GAS7: variants seen among roughly 807,000 people sequenced by gnomAD.
GAS7 encodes growth arrest-specific protein 7.
In GAS7, 28 loss-of-function variants were observed where a neutral mutation model predicts 71.1. That is an observed-to-expected ratio of 0.39 (90% CI 0.29 to 0.54). GAS7 has a LOEUF of 0.54. Ranked by LOEUF, GAS7 falls within the 20% of genes least tolerant of loss-of-function variation. GAS7 has a pLI of 0.62. For missense variants in GAS7, 436 were observed against 627.8 expected, an observed-to-expected ratio of 0.69 and a Z score of 3.27; for synonymous variants, 258 against 245.8, an observed-to-expected ratio of 1.05 and a Z score of -0.46.
At chr17:10,104,592 A>C (rs1404285451) in intron 1 of GAS7, among the ~76,000 whole-genome samples, 1 of 152,156 alleles carries the variant, frequency 6.6e-6, no homozygotes, top group Non-Finnish European at 1.5e-5. Context: ...GAATCTAACG[A>C]ATCTAATGAC....
At chr17:10,156,529 C>T (rs956227748) in intron 1 of GAS7, among the ~76,000 whole-genome samples, 17 of 152,206 alleles carry the variant, frequency 1.1e-4, no homozygotes, top group African/African-American at 3.9e-4. Context: ...CTCCACTTGC[C>T]TGTCGGGAGC....
intron 8 of GAS7, among the ~76,000 whole-genome samples, chr17:9,938,300 G>T (rs887214036): frequency 6.6e-6 from 1 of 151,408 alleles, no homozygotes; most frequent in Non-Finnish European, 1.5e-5. Flanking sequence ...TGAGTTCAGG[G>T]GTTCTAGACC....
intron 2 of GAS7, among the ~76,000 whole-genome samples, chr17:9,985,461 C>T (rs1024518197): frequency 3.3e-5 from 5 of 152,220 alleles, no homozygotes; most frequent in East Asian, 3.8e-4. Flanking sequence ...CCATACCTGC[C>T]GCCTCCTGCT....
intron 1 of GAS7, among the ~76,000 whole-genome samples, chr17:10,063,772 G>A (rs1307419742): frequency 9.2e-5 from 14 of 152,168 alleles, no homozygotes; most frequent in Admixed American, 6.5e-4. Flanking sequence ...CCTGACCACC[G>A]TCTAGTATGG....
chr17:10,165,199 G>A (rs1016961561), intron 1 of GAS7, among the ~76,000 whole-genome samples: 18 of 150,562 alleles, frequency 1.2e-4, no homozygotes, highest in Non-Finnish European at 8.8e-5. Flanking sequence ...CCCTGAGGCA[G>A]GAGAATGACG....
rs915175613 is a variant in GAS7, at chr17:10,103,637, C to T, written c.184-83740G>A. Among the ~76,000 whole-genome samples the T allele has an allele frequency of 6.6e-6, 1 of 152,046 alleles. No individual in the cohort carries two copies. The highest frequency in any genetic ancestry group is 1.5e-5 in the Non-Finnish European group (1 of 68,012). On this transcript the variant is annotated intron_variant, in intron 1 of 13. Coordinates refer to ENST00000432992, the MANE Select transcript of GAS7 (RefSeq NM_201433.2). The surrounding 1 kb of genome is among the most constrained non-coding windows in gnomAD (Gnocchi z 5.5). ...GGTCAGGAGTTCAAGACCAGCCTGG[C>T]CAACATGGAGAAACCCCGTCTCTAC...
intron 1 of GAS7, among the ~76,000 whole-genome samples, chr17:10,086,321 A>T (rs1342579896): frequency 3.3e-5 from 5 of 152,198 alleles, no homozygotes; most frequent in Non-Finnish European, 5.9e-5. Flanking sequence ...GTCATTAGCT[A>T]ATCAGCCTGG....
At chr17:10,132,761 T>TA (rs57494644) in intron 1 of GAS7, among the ~76,000 whole-genome samples, 1 of 150,498 alleles carries the variant, frequency 6.6e-6, no homozygotes, top group East Asian at 2.0e-4. Flanking sequence ...CTGTCTCAAC[T>TA]AAAAAAAAAA....
chr17:9,985,367 C>T (rs981890911), intron 2 of GAS7, among the ~76,000 whole-genome samples: 1 of 152,218 alleles, frequency 6.6e-6, no homozygotes, highest in African/African-American at 2.4e-5. Context: ...TGACTGCATC[C>T]AGACTGACAT....
intron 1 of GAS7, among the ~76,000 whole-genome samples, chr17:10,048,548 C>T (rs2073014847): frequency 6.6e-6 from 1 of 152,220 alleles, no homozygotes. Flanking sequence ...AGACAAACCC[C>T]ACTGAGTTTA....
At chr17:9,932,168 T>G (rs1342186368) in intron 9 of GAS7, among the ~76,000 whole-genome samples, 2 of 149,732 alleles carry the variant, frequency 1.3e-5, no homozygotes, top group African/African-American at 4.9e-5. Flanking sequence ...GTCACTGGGA[T>G]GGTGCACTCT....
chr17:9,939,222 T>C (rs1422899284), intron 8 of GAS7, among the ~76,000 whole-genome samples: 4 of 152,196 alleles, frequency 2.6e-5, no homozygotes, highest in Non-Finnish European at 5.9e-5. Context: ...ACCAGATTGT[T>C]TTCCACAGCG....
chr17:10,050,044 T>C (rs1440858118), intron 1 of GAS7, among the ~76,000 whole-genome samples: 1 of 152,240 alleles, frequency 6.6e-6, no homozygotes, highest in Non-Finnish European at 1.5e-5. Flanking sequence ...TTATTTCTGT[T>C]TTTCTATATT....
chr17:10,133,163 G>A (rs929463661), intron 1 of GAS7, among the ~76,000 whole-genome samples: 6 of 144,208 alleles, frequency 4.2e-5, no homozygotes, highest in Admixed American at 7.1e-5. Context: ...TCGCTCTGTC[G>A]CCCAGGTTGA....
chr17:9,979,013 C>G (rs1190428987), intron 3 of GAS7, among the ~76,000 whole-genome samples: 1 of 152,188 alleles, frequency 6.6e-6, no homozygotes, highest in Non-Finnish European at 1.5e-5. Context: ...CCCCTCCCCC[C>G]GGTGCTGGCA....
chr17:9,973,646 G>T (rs113648458), intron 3 of GAS7, among the ~76,000 whole-genome samples: 2 of 152,268 alleles, frequency 1.3e-5, no homozygotes, highest in African/African-American at 2.4e-5. Context: ...TATCAAAAGG[G>T]TTTCAAGAGA....
At position 9,961,528 on chromosome 17, in the gene GAS7, A is replaced by T. The variant is rs73974352; in HGVS notation, c.472-2273T>A. 9.8e-3 allele frequency among the ~76,000 whole-genome samples: 1,494 copies of T among 152,242 alleles called. 25 individuals carry two copies. Among genetic ancestry groups the T allele is most frequent in the African/African-American group, 0.033 (1,353 of 41,530 alleles). ...CCGCGTTCCCACTGCAGCCCCCCAG[A>T]GAGGGGAACCAGCACTCCAGCAGCC... On this transcript the variant is annotated intron_variant, in intron 4 of 13. Transcript: ENST00000432992.
intron 7 of GAS7, 65 bp downstream of exon 7, chr17:9,943,056 C>G (rs2068661385): frequency 2.9e-6 from 3 of 1,051,816 alleles, no homozygotes; most frequent in African/African-American, 1.6e-5. Context: ...TCGCCCCGCC[C>G]CGGCCACGGG....
At chr17:10,018,017 C>T (rs1234805461) in intron 2 of GAS7, among the ~76,000 whole-genome samples, 3 of 152,034 alleles carry the variant, frequency 2.0e-5, no homozygotes, top group African/African-American at 7.3e-5. Context: ...AATAGCATAC[C>T]CATGCGATGG....
Sources: allele counts gnomAD v4.1 joint callset (sites outside exome capture counted in the v4.1 genomes callset), GRCh38; gene constraint gnomAD v4.1.1; non-coding constraint Gnocchi (gnomAD v3.1); transcripts MANE v1.5; gene names NCBI Gene and HGNC (gene_info 2026-07-23, HGNC 2026-07-21).